VPS26A: variants seen among roughly 807,000 people sequenced by gnomAD.
The protein encoded by VPS26A is vacuolar protein sorting-associated protein 26A.
In VPS26A, 22 loss-of-function variants were observed where a neutral mutation model predicts 42.4. That is an observed-to-expected ratio of 0.52 (90% CI 0.37 to 0.74). VPS26A has a LOEUF of 0.74. VPS26A is among the 30% of genes least tolerant of loss of function. The pLI is 0.00. For synonymous variants in VPS26A, 110 were observed against 123.5 expected, an observed-to-expected ratio of 0.89 and a Z score of 0.73; for missense variants, 276 against 379.2, an observed-to-expected ratio of 0.73 and a Z score of 2.26.
At chr10:69,165,922 G>C in intron 6 of VPS26A, 120 bp from the exon 7 acceptor site, 2 of 941,690 alleles carry the variant, frequency 2.1e-6, no homozygotes, top group South Asian at 1.7e-5. Flanking sequence ...CTCTAGCTTG[G>C]GTGATGGAGC....
chr10:69,127,588 A>G (rs1271998326), intron 1 of VPS26A, among the ~76,000 whole-genome samples: 2 of 151,732 alleles, frequency 1.3e-5, no homozygotes, highest in Admixed American at 6.6e-5. Flanking sequence ...ACCCAATGCC[A>G]TATTGTCATG....
intron 1 of VPS26A, among the ~76,000 whole-genome samples, chr10:69,132,266 A>C (rs1443868262): frequency 6.6e-6 from 1 of 152,152 alleles, no homozygotes; most frequent in African/African-American, 2.4e-5. Flanking sequence ...TAGATTTCTG[A>C]CATATGTTAA....
At chr10:69,133,154 AT>A (rs1047642352) in intron 2 of VPS26A, 107 bp downstream of exon 2, 234 of 1,171,506 alleles carry the variant, frequency 2.0e-4, no homozygotes, top group South Asian at 2.7e-4. Context: ...AGGGAGAGAG[AT>A]TTTTTTTTCC....
chr10:69,160,168 A>G (rs1841522907), intron 5 of VPS26A, among the ~76,000 whole-genome samples: 1 of 135,002 alleles, frequency 7.4e-6, no homozygotes, highest in Admixed American at 7.5e-5. Flanking sequence ...ACACACACAC[A>G]GTTTTTTGTT....
Position 69,132,941 on chromosome 10 carries a change from T to G in VPS26A, c.47T>G (p.Ile16Ser). 1 of 1,607,724 alleles carries G rather than the reference T, an allele frequency of 6.2e-7. No homozygotes were observed. Among genetic ancestry groups the G allele is most frequent in the Non-Finnish European group, 8.5e-7 (1 of 1,178,722 alleles). The change falls in exon 2 of 9, where the codon ATT (isoleucine) becomes AGT (serine). Residue 16 changes from isoleucine to serine, a missense_variant. Transcript: ENST00000263559. ...GFFGPICEID[I>S]VLNDGETRKM... ...TTTGGTCCAATTTGTGAGATCGATA[T>G]TGTTCTTAATGATGGGGAAACCAGG...
intron 2 of VPS26A, among the ~76,000 whole-genome samples, chr10:69,144,303 T>A (rs1322350104): frequency 4.6e-5 from 7 of 152,220 alleles, no homozygotes; most frequent in Non-Finnish European, 5.9e-5. Flanking sequence ...TTTACTCTGT[T>A]GTACATTTTC....
Position 69,124,204 on chromosome 10 carries a change from G to A in VPS26A, c.-74G>A, listed in dbSNP as rs1009220311. ...AGGTCACGTGACGGAGCGCCGGAGC[G>A]GAGGGAGCCGGGGCTGGGAGTTCTC... is the stretch of plus-strand genomic sequence containing the variant. On this transcript the variant is annotated 5_prime_UTR_variant, in exon 1 of 9. Transcript: ENST00000263559. The A allele has an allele frequency of 2.4e-6, 3 of 1,264,794 alleles. No individual in the cohort carries two copies. The highest frequency in any genetic ancestry group is 1.5e-5 in the African/African-American group (1 of 64,984). The allele number at this position is 1,264,794 out of a possible 1,614,324, so 78.3% of individuals were successfully genotyped here. A position where few individuals can be genotyped will look rare whatever the true frequency, so the allele number is the denominator to read the frequency against.
chr10:69,140,264 G>C, intron 2 of VPS26A, among the ~76,000 whole-genome samples: 1 of 152,040 alleles, frequency 6.6e-6, no homozygotes, highest in East Asian at 1.9e-4. Flanking sequence ...TGTAGAGACA[G>C]GGTCTTGCTA....
At chr10:69,162,230 T>C (rs1038264389) in intron 5 of VPS26A, among the ~76,000 whole-genome samples, 176 bp from the exon 6 acceptor site, 1 of 152,102 alleles carries the variant, frequency 6.6e-6, no homozygotes, top group Non-Finnish European at 1.5e-5. Flanking sequence ...CCTCAAGTGA[T>C]CCGCCCACCC....
In VPS26A at chr10:69,172,816, T is replaced by G. The variant is rs1841846548; in HGVS notation, c.*1547T>G. The G allele has an allele frequency of 6.6e-6, 1 of 152,644 alleles. No individual in the cohort carries two copies. Among genetic ancestry groups the G allele is most frequent in the Non-Finnish European group, 1.5e-5 (1 of 68,036 alleles). The allele number at this position is 152,644 out of a possible 1,614,324, so 9.5% of individuals were successfully genotyped here. On this transcript the variant is annotated 3_prime_UTR_variant, in exon 9 of 9. Transcript: ENST00000263559. ...GAAAACCAATTGTATTTAACCAGCC[T>G]CAAATTGTGCAACCATGATGTATAA...
In VPS26A at chr10:69,129,597, G is replaced by C. The variant is rs1346469772; in HGVS notation, c.4-3301G>C. On this transcript the variant is annotated intron_variant, in intron 1 of 8. Coordinates refer to ENST00000263559, the MANE Select transcript of VPS26A (RefSeq NM_004896.5). ...GAGTCTCACTCTGTCCCGAGGGCTG[G>C]AGTGCAGTGGCGCGATCTCGGCTCA... is the stretch of plus-strand genomic sequence containing the variant. 3.3e-5 allele frequency among the ~76,000 whole-genome samples: 5 copies of C among 151,862 alleles called. No homozygotes were observed. The East Asian group carries it at 7.7e-4, about 24-fold the overall frequency.
intron 1 of VPS26A, among the ~76,000 whole-genome samples, 160 bp from the exon 2 acceptor site, chr10:69,132,738 C>T (rs10998591): frequency 0.042 from 6,339 of 152,154 alleles, 464 homozygotes; most frequent in African/African-American, 0.14. Context: ...ACACCATGCC[C>T]GGCCTTTGAT....
At chr10:69,129,147 G>A (rs1262303011) in intron 1 of VPS26A, among the ~76,000 whole-genome samples, 1 of 151,780 alleles carries the variant, frequency 6.6e-6, no homozygotes, top group African/African-American at 2.4e-5. Flanking sequence ...CAATATAACT[G>A]ATTTTGTTTT....
intron 2 of VPS26A, among the ~76,000 whole-genome samples, chr10:69,139,870 C>T (rs112779649): frequency 3.3e-5 from 5 of 152,128 alleles, no homozygotes; most frequent in African/African-American, 1.2e-4. Context: ...TTTTCTCACC[C>T]TAGCTTAAGA....
rs1841826694 is a variant in VPS26A at position 69,172,003 on chromosome 10, G to T, written c.*734G>T. On this transcript the variant is annotated 3_prime_UTR_variant, in exon 9 of 9. Transcript: ENST00000263559. The stretch of plus-strand genomic sequence containing the variant: ...TTTGCTATATTCCAGTAGTACCGTT[G>T]TGTGTTTTCTGCAATGTGGAGTTGA... 1 of 152,076 alleles carries T rather than the reference G, an allele frequency of 6.6e-6. No homozygotes were observed. The highest frequency in any genetic ancestry group is 2.4e-5 in the African/African-American group (1 of 41,386). 9.4% of individuals were successfully genotyped at this position (152,076 alleles called of 1,614,324 possible).
intron 2 of VPS26A, among the ~76,000 whole-genome samples, chr10:69,155,562 TATTAA>T (rs1841415030): frequency 6.6e-6 from 1 of 152,218 alleles, no homozygotes; most frequent in Non-Finnish European, 1.5e-5. Context: ...GTTCTCCACC[TATTAA>T]GGATTCCTTC....
At chr10:69,145,042 A>T (rs12265485) in intron 2 of VPS26A, among the ~76,000 whole-genome samples, 10,668 of 151,828 alleles carry the variant, frequency 0.07, 745 homozygotes, top group African/African-American at 0.17. Context: ...TTAATTAATT[A>T]ATTTATTTTT....
intron 5 of VPS26A, among the ~76,000 whole-genome samples, chr10:69,160,436 G>A (rs1841531435): frequency 6.6e-6 from 1 of 150,854 alleles, no homozygotes; most frequent in African/African-American, 2.4e-5. Flanking sequence ...GGGATTATAG[G>A]CATGAGCCAC....
At chr10:69,166,161 A>T in intron 7 of VPS26A, 51 bp downstream of exon 7, 1 of 1,517,984 alleles carries the variant, frequency 6.6e-7, no homozygotes, top group South Asian at 1.2e-5. Context: ...ATCAGTGTTC[A>T]TGGCAGTTTT....
Sources: allele counts gnomAD v4.1 joint callset (sites outside exome capture counted in the v4.1 genomes callset), GRCh38; gene constraint gnomAD v4.1.1; transcripts MANE v1.5; gene names NCBI Gene and HGNC (gene_info 2026-07-23, HGNC 2026-07-21).